Variants in ITGAD observed in about 807,000 individuals in gnomAD.
ITGAD encodes integrin subunit alpha D, also known as integrin alpha-D.
A neutral mutation model predicts 139.0 loss-of-function variants in ITGAD; 105 were observed. The observed-to-expected ratio is 0.76, with a 90% confidence interval of 0.65 to 0.89. The LOEUF (loss-of-function observed/expected upper bound fraction) is 0.89. Among genes scored for constraint, ITGAD ranks in the 40% least tolerant of loss-of-function variants. The probability of loss-of-function intolerance (pLI) is 0.00; values close to 1 mark genes in which losing one functional copy is unlikely to be tolerated. For synonymous variants in ITGAD, 569 were observed against 598.3 expected, an observed-to-expected ratio of 0.95 and a Z score of 0.71; for missense variants, 1,384 against 1,487.3, an observed-to-expected ratio of 0.93 and a Z score of 1.14.
At chr16:31,425,043 T>G (rs977548550) in intron 29 of ITGAD, among the ~76,000 whole-genome samples, 11 of 152,190 alleles carry the variant, frequency 7.2e-5, no homozygotes, top group African/African-American at 1.9e-4. Flanking sequence ...GTTAGGCAAG[T>G]TGCTCCACCT....
chr16:31,423,761 C>A, intron 26 of ITGAD, 84 bp from the exon 27 acceptor site: 2 of 1,544,988 alleles, frequency 1.3e-6, no homozygotes, highest in South Asian at 2.2e-5. Flanking sequence ...TCATCTGTTC[C>A]CCACCCCAAA....
intron 27 of ITGAD, 38 bp downstream of exon 27, chr16:31,423,996 C>T (rs748086515): frequency 3.7e-6 from 6 of 1,609,002 alleles, no homozygotes; most frequent in Middle Eastern, 1.7e-4. Flanking sequence ...GCCCCAGACT[C>T]AGGCAGGACC....
chr16:31,399,612 A>C (rs2081355129), intron 5 of ITGAD, among the ~76,000 whole-genome samples: 1 of 152,204 alleles, frequency 6.6e-6, no homozygotes, highest in Non-Finnish European at 1.5e-5. Flanking sequence ...GCCCAGCCTG[A>C]GATGTCTGTG....
intron 5 of ITGAD, among the ~76,000 whole-genome samples, chr16:31,401,571 C>T (rs1201880265): frequency 1.3e-5 from 2 of 152,204 alleles, no homozygotes; most frequent in Non-Finnish European, 2.9e-5. Context: ...GTGCCTGGCA[C>T]GTGGTGAGAA....
chr16:31,415,842 C>T (rs1198089324), intron 18 of ITGAD, among the ~76,000 whole-genome samples: 1 of 152,194 alleles, frequency 6.6e-6, no homozygotes, highest in Non-Finnish European at 1.5e-5. Context: ...ACATTTGAGG[C>T]TGTCTTGGGA....
intron 18 of ITGAD, 29 bp from the exon 19 acceptor site, chr16:31,416,184 T>A: frequency 9.6e-6 from 15 of 1,563,996 alleles, no homozygotes; most frequent in Non-Finnish European, 1.0e-5. Context: ...AGATGTCAGA[T>A]GGGAACAGAA....
At chr16:31,409,839 G>C (rs2081635159) in intron 10 of ITGAD, among the ~76,000 whole-genome samples, 1 of 148,046 alleles carries the variant, frequency 6.8e-6, no homozygotes, top group Non-Finnish European at 1.5e-5. Flanking sequence ...ATGAGTCCAG[G>C]AGTTCAAGAC....
intron 7 of ITGAD, chr16:31,404,789 C>T (rs528997462): frequency 6.6e-6 from 1 of 151,914 alleles, no homozygotes; most frequent in Admixed American, 6.6e-5. Context: ...CCTTCCCTTC[C>T]CTCCCTCCCT....
chr16:31,414,830 G>A, intron 17 of ITGAD, 30 bp from the exon 18 acceptor site: 1 of 1,611,572 alleles, frequency 6.2e-7, no homozygotes, highest in Non-Finnish European at 8.5e-7. Context: ...AGAGAGGACA[G>A]CAGGTTCTTG....
intron 2 of ITGAD, among the ~76,000 whole-genome samples, chr16:31,394,543 C>T (rs2142557574): frequency 6.6e-6 from 1 of 152,328 alleles, no homozygotes; most frequent in East Asian, 1.9e-4. Flanking sequence ...AAGACCCTAC[C>T]TTACCTCGGG....
rs9937602 is a variant in ITGAD at position 31,400,962 on chromosome 16, C to A, written c.428-1153C>A. ...GCATGAAGGGTGGATGCAATGCAAT[C>A]ATAACAGAGGCCCAAGGTCAGCACT... is the stretch of plus-strand genomic sequence containing the variant. On this transcript the variant is annotated intron_variant, in intron 5 of 29. Transcript: ENST00000389202. 4.2e-3 allele frequency among the ~76,000 whole-genome samples: 635 copies of A among 152,266 alleles called. 4 individuals are homozygous for A. Among genetic ancestry groups the A allele is most frequent in the African/African-American group, 0.014 (597 of 41,558 alleles).
At chr16:31,409,730 T>C (rs969400115) in intron 10 of ITGAD, among the ~76,000 whole-genome samples, 1 of 151,584 alleles carries the variant, frequency 6.6e-6, no homozygotes, top group African/African-American at 2.4e-5. Flanking sequence ...GGCAACATAG[T>C]GAGACCCTGT....
chr16:31,421,800 A>T (rs1056716738), intron 23 of ITGAD, among the ~76,000 whole-genome samples: 2 of 152,012 alleles, frequency 1.3e-5, no homozygotes, highest in African/African-American at 4.8e-5. Context: ...ATGTGAACCT[A>T]GGCGGTTTGA....
At chr16:31,402,708 T>A (rs1469540238) in intron 6 of ITGAD, 1 of 154,046 alleles carries the variant, frequency 6.5e-6, no homozygotes, top group African/African-American at 2.4e-5. Context: ...GCTCAAGTGA[T>A]CCTCTTTCCT....
chr16:31,417,986 T>C, intron 20 of ITGAD, 89 bp from the exon 21 acceptor site: 2 of 971,370 alleles, frequency 2.1e-6, no homozygotes, highest in Non-Finnish European at 3.2e-6. Flanking sequence ...TCTGTCATTT[T>C]CCCTAGTGCT....
intron 5 of ITGAD, among the ~76,000 whole-genome samples, chr16:31,401,720 G>A (rs2081409266): frequency 6.6e-6 from 1 of 152,250 alleles, no homozygotes; most frequent in Admixed American, 6.5e-5. Flanking sequence ...CTGAAGTCCA[G>A]AGAAGTTAAG....
At chr16:31,399,358 G>C (rs1046544174) in intron 5 of ITGAD, among the ~76,000 whole-genome samples, 8 of 152,240 alleles carry the variant, frequency 5.3e-5, no homozygotes, top group African/African-American at 1.9e-4. Context: ...TGCATGCTGG[G>C]ACTGGGAGGA....
chr16:31,407,407 G>A, intron 7 of ITGAD, 108 bp from the exon 8 acceptor site: 1 of 1,039,736 alleles, frequency 9.6e-7, no homozygotes, highest in South Asian at 1.8e-5. Flanking sequence ...CTGATAGAAT[G>A]TGAGGGTGCC....
rs200546283 is a variant in ITGAD at position 31,397,577 on chromosome 16, C to T, written c.242-19C>T. The T allele has an allele frequency of 2.1e-5, 33 of 1,606,148 alleles. No individual in the cohort carries two copies. Among genetic ancestry groups the T allele is most frequent in the East Asian group, 4.5e-5 (2 of 44,844 alleles). The stretch of plus-strand genomic sequence containing the variant: ...TGAGTGTGTGCTGTGAGTGAGACCC[C>T]GCGTGTCTGCCCTTGCAGTCCGCCC... On this transcript the variant is annotated intron_variant, in intron 3 of 29. Transcript: ENST00000389202.
Sources: gnomAD v4.1 joint callset for allele counts (sites outside exome capture counted in the v4.1 genomes callset) on GRCh38, gnomAD v4.1.1 for gene constraint, MANE v1.5 for transcripts, NCBI Gene and HGNC (gene_info 2026-07-23, HGNC 2026-07-21) for gene names.